Variants in TBC1D1 observed in about 807,000 individuals in gnomAD.
TBC1D1 encodes TBC1 (tre-2/USP6, BUB2, cdc16) domain family, member 1.
Under a neutral mutation model 125.6 loss-of-function variants are expected in TBC1D1, and 89 were observed. The observed-to-expected ratio is 0.71, with a 90% CI of 0.60 to 0.85. The LOEUF is 0.85. TBC1D1 is among the 40% of genes least tolerant of loss of function. The probability of loss-of-function intolerance (pLI) is 0.00; values close to 1 mark genes in which losing one functional copy is unlikely to be tolerated. For missense variants in TBC1D1, 1,377 were observed against 1,469.2 expected (o/e 0.94, Z 1.03); for synonymous variants, 565 against 564.1 (o/e 1.00, Z -0.02).
At chr4:38,039,104 CTTTTTTTTTTTTTT>C (rs776941680) in intron 8 of TBC1D1, among the ~76,000 whole-genome samples, 11 of 51,584 alleles carry the variant, frequency 2.1e-4, no homozygotes, top group Middle Eastern at 0.021. Flanking sequence ...GCATCATACT[CTTTTTTTTTTTTTT>C]TTTTTTTTTT....
chr4:38,048,100 G>A (rs1410270113), intron 10 of TBC1D1, among the ~76,000 whole-genome samples: 1 of 152,156 alleles, frequency 6.6e-6, no homozygotes, highest in African/African-American at 2.4e-5. Context: ...TGTATGTATT[G>A]TATATGTTTA....
intron 12 of TBC1D1, among the ~76,000 whole-genome samples, chr4:38,073,404 A>C (rs563799943): frequency 2.0e-4 from 30 of 152,306 alleles, no homozygotes; most frequent in African/African-American, 6.7e-4. Context: ...TTTTATTATA[A>C]AATAATGGCC....
At chr4:38,126,558 C>T (rs1001099988) in intron 18 of TBC1D1, among the ~76,000 whole-genome samples, 2 of 152,222 alleles carry the variant, frequency 1.3e-5, no homozygotes, top group Admixed American at 1.3e-4. Flanking sequence ...TCTGTTTGCA[C>T]ATTGCATATG....
rs558907479 is a variant in TBC1D1 at position 38,139,017 on chromosome 4, G to A, written c.*1682G>A. 6.5e-6 allele frequency: 1 copy of A among 152,732 alleles called. No individual in the cohort carries two copies. The highest frequency in any genetic ancestry group is 6.5e-5 in the Admixed American group (1 of 15,290). The allele number at this position is 152,732 out of a possible 1,614,324, so 9.5% of individuals were successfully genotyped here. On this transcript the variant is annotated 3_prime_UTR_variant, in exon 20 of 20. Transcript: ENST00000261439. ...GTGGTTCCGCTAGATGTAACTTATA[G>A]GAGTTAACATTTGAGGACTTTGTTC... is the stretch of plus-strand genomic sequence containing the variant.
chr4:38,030,169 A>T (rs6820715), intron 7 of TBC1D1, among the ~76,000 whole-genome samples: 85,485 of 152,112 alleles, frequency 0.56, 24,850 homozygotes, highest in African/African-American at 0.72. Flanking sequence ...ATGAATCAGT[A>T]TAGGTAATAC....
At chr4:38,055,669 T>C (rs868429361) in intron 12 of TBC1D1, among the ~76,000 whole-genome samples, 1 of 152,122 alleles carries the variant, frequency 6.6e-6, no homozygotes, top group Non-Finnish European at 1.5e-5. Context: ...CTGCCGTGGG[T>C]GGCCCCTCGG....
chr4:38,099,184 A>G (rs973477512), intron 14 of TBC1D1, among the ~76,000 whole-genome samples: 26 of 152,228 alleles, frequency 1.7e-4, no homozygotes, highest in Admixed American at 7.9e-4. Flanking sequence ...CTGCAGTAAG[A>G]ATGCTTATTG....
At chr4:37,910,290 C>T (rs1257277261) in intron 2 of TBC1D1, among the ~76,000 whole-genome samples, 2 of 152,040 alleles carry the variant, frequency 1.3e-5, no homozygotes, top group Non-Finnish European at 2.9e-5. Flanking sequence ...TTTACTGTCC[C>T]GTACAGTAAT....
intron 2 of TBC1D1, among the ~76,000 whole-genome samples, chr4:37,943,435 C>A (rs1424925487): frequency 1.3e-5 from 2 of 152,168 alleles, no homozygotes; most frequent in African/African-American, 4.8e-5. Context: ...GAGTATTTTC[C>A]AACTTGGTTC....
intron 6 of TBC1D1, among the ~76,000 whole-genome samples, chr4:38,022,352 A>G (rs546900869): frequency 6.6e-6 from 1 of 152,332 alleles, no homozygotes; most frequent in African/African-American, 2.4e-5. Flanking sequence ...TCCTCATCAC[A>G]TTTGTGGGAG....
intron 2 of TBC1D1, among the ~76,000 whole-genome samples, chr4:37,923,369 G>A (rs1456980126): frequency 6.6e-6 from 1 of 152,202 alleles, no homozygotes; most frequent in African/African-American, 2.4e-5. Flanking sequence ...GGGCATTTGG[G>A]TTGGTTCCAA....
intron 15 of TBC1D1, among the ~76,000 whole-genome samples, chr4:38,108,428 A>G (rs1288156884): frequency 6.6e-6 from 1 of 152,176 alleles, no homozygotes; most frequent in African/African-American, 2.4e-5. Flanking sequence ...AATGCATCTA[A>G]TCTCCCCCAC....
In TBC1D1 at chr4:37,905,318, A is replaced by G. The variant is rs557914452; in HGVS notation, c.417+2806A>G. Among the ~76,000 whole-genome samples, 3 of 152,384 alleles carry G rather than the reference A, an allele frequency of 2.0e-5. No homozygotes were observed. In the East Asian group the frequency reaches 5.8e-4, roughly 29 times the overall value. On this transcript the variant is annotated intron_variant, in intron 2 of 19. Coordinates refer to ENST00000261439, the MANE Select transcript of TBC1D1 (RefSeq NM_015173.4). The stretch of plus-strand genomic sequence containing the variant: ...CAAGACACTTTTGTAAGCAATGTTA[A>G]CAGCCATTGAGTCGGTCTCTAAAGA...
At chr4:38,086,202 A>G (rs1757456547) in intron 12 of TBC1D1, among the ~76,000 whole-genome samples, 1 of 152,248 alleles carries the variant, frequency 6.6e-6, no homozygotes, top group South Asian at 2.1e-4. Context: ...GAATTTGGAT[A>G]AAAGAGATAC....
At chr4:37,916,720 C>T (rs13144706) in intron 2 of TBC1D1, among the ~76,000 whole-genome samples, 11,012 of 152,048 alleles carry the variant, frequency 0.072, 528 homozygotes, top group East Asian at 0.2. Context: ...CTTTTAACAA[C>T]GGGAGGGCTG....
chr4:37,972,467 G>A (rs1385056514), intron 2 of TBC1D1, among the ~76,000 whole-genome samples: 1 of 145,464 alleles, frequency 6.9e-6, no homozygotes, highest in Non-Finnish European at 1.5e-5. Flanking sequence ...GGCAACAAAA[G>A]GGAAACGCCG....
chr4:37,952,202 G>C (rs544498832), intron 2 of TBC1D1: 33 of 645,016 alleles, frequency 5.1e-5, no homozygotes, highest in Non-Finnish European at 8.8e-5. Flanking sequence ...CTTCACACGC[G>C]CTTGGAAGTT....
At chr4:37,947,700 T>C (rs1393980247) in intron 2 of TBC1D1, among the ~76,000 whole-genome samples, 3 of 152,170 alleles carry the variant, frequency 2.0e-5, no homozygotes, top group African/African-American at 7.2e-5. Context: ...TCTATAAAAC[T>C]ATAGAAGACG....
intron 12 of TBC1D1, among the ~76,000 whole-genome samples, chr4:38,065,102 T>C (rs1753466857): frequency 6.6e-6 from 1 of 152,066 alleles, no homozygotes; most frequent in African/African-American, 2.4e-5. Context: ...GGCTAATTTT[T>C]TTATTTTTAT....
Sources: gnomAD v4.1 joint callset for allele counts (sites outside exome capture counted in the v4.1 genomes callset) on GRCh38, gnomAD v4.1.1 for gene constraint, MANE v1.5 for transcripts, NCBI Gene and HGNC (gene_info 2026-07-23, HGNC 2026-07-21) for gene names.